SIX5: variants seen among roughly 807,000 people sequenced by gnomAD.
SIX5 encodes SIX homeobox 5.
SIX5 carries 21 observed loss-of-function variants against 37.1 expected under a neutral mutation model. The observed-to-expected ratio is 0.57, with a 90% CI of 0.40 to 0.81. The LOEUF (loss-of-function observed/expected upper bound fraction) is 0.81, where lower values mean the gene tolerates loss of function less well. Ranked by LOEUF, SIX5 falls within the 40% of genes least tolerant of loss-of-function variation. The pLI, the probability that SIX5 is intolerant of heterozygous loss-of-function variation, is 0.00. For synonymous variants in SIX5, 626 were observed against 505.9 expected (o/e 1.24, Z -3.19); for missense variants, 1,137 against 1,025.1 (o/e 1.11, Z -1.49).
chr19:45,767,857 C>T, intron 1 of SIX5, 185 bp downstream of exon 1: 1 of 610,364 alleles, frequency 1.6e-6, no homozygotes, highest in Non-Finnish European at 2.8e-6. Flanking sequence ...GGAGAGGGCC[C>T]GGGCGGGTGC....
chr19:45,768,057 C>G lies in SIX5; in HGVS notation c.788G>C (p.Gly263Ala), dbSNP rs1490817411. Residue 263 changes from glycine to alanine, a missense_variant, in exon 1 of 3, where the codon GGC becomes GCC. Gly to Ala is a moderately conservative substitution (Grantham distance 60). Around this residue, in one of 3 missense-constraint regions of SIX5, gnomAD observed 19 missense variants for 42.8 expected, o/e 0.44. Coordinates refer to ENST00000317578, the MANE Select transcript of SIX5 (RefSeq NM_175875.5). ...GGCCCCTCACCTCTTGCAGGGCGCG[C>G]CGCCTCCGGCCCCGGTCCGGTCGCG... is the stretch of plus-strand genomic sequence containing the variant. ...RQRDRTGAGG[G>A]APCKSESDGN... is the part of the protein sequence containing the mutation. 2.5e-6 allele frequency: 4 copies of G among 1,596,464 alleles called. No individual in the cohort carries two copies. The highest frequency in any genetic ancestry group is 1.1e-5 in the South Asian group (1 of 90,758).
In SIX5 at chr19:45,768,509, G is replaced by A. The variant is rs1969137331; in HGVS notation, c.336C>T (p.Gly112=). Residue 112 remains glycine, a synonymous_variant, in exon 1 of 3, where the codon GGC becomes GGT. Transcript: ENST00000317578. ...GHAGRLSRFL[G]ALPPAERLRG... ...GTAGGCGCTCGGCCGGGGGCAGTGC[G>A]CCCAGGAAGCGGCTCAAGCGGCCGG... 2.0e-6 allele frequency: 3 copies of A among 1,475,426 alleles called. No homozygotes were observed. The highest frequency in any genetic ancestry group is 2.4e-5 in the Admixed American group (1 of 41,920). 91.4% of individuals were successfully genotyped at this position (1,475,426 alleles called of 1,614,324 possible).
rs1969123424 is a variant in SIX5, at chr19:45,768,173, G to C, written c.672C>G (p.Arg224=). Residue 224 remains arginine, a synonymous_variant, in exon 1 of 3, where the codon CGC becomes CGG. Transcript: ENST00000317578. ...GGCGCTTCTCGTCCGGCGTGGGGTA[G>C]CGGTTGCCGCGGTAGCAGGCCTTGA... is the stretch of plus-strand genomic sequence containing the variant. ...AALKACYRGN[R]YPTPDEKRRL... 6.2e-7 allele frequency: 1 copy of C among 1,612,814 alleles called. No individual in the cohort carries two copies. The highest frequency in any genetic ancestry group is 1.1e-5 in the South Asian group (1 of 91,060).
intron 2 of SIX5, 84 bp downstream of exon 2, chr19:45,766,266 G>A (rs929656990): frequency 1.0e-5 from 15 of 1,497,220 alleles, no homozygotes; most frequent in Admixed American, 8.2e-5. Flanking sequence ...CCCTCCAGGA[G>A]CCCAGGGACA....
chr19:45,769,067 C>T lies in SIX5; in HGVS notation c.-223G>A. On this transcript the variant is annotated 5_prime_UTR_variant, in exon 1 of 3. Coordinates refer to ENST00000317578, the MANE Select transcript of SIX5 (RefSeq NM_175875.5). ...CCCCCTCCCGTCTGTCTGTGATTCT[C>T]CCTTTGTTTTCCCTCCGCCTCTGGC... is the stretch of plus-strand genomic sequence containing the variant. The T allele has an allele frequency of 2.0e-6, 1 of 511,576 alleles. No homozygotes were observed. The highest frequency in any genetic ancestry group is 3.5e-6 in the Non-Finnish European group (1 of 289,552). 31.7% of individuals were successfully genotyped at this position (511,576 alleles called of 1,614,324 possible).
Position 45,765,249 on chromosome 19 carries a change from C to T in SIX5, c.*252G>A, listed in dbSNP as rs955887775. 1.7e-6 allele frequency: 1 copy of T among 590,238 alleles called. No individual in the cohort carries two copies. Among genetic ancestry groups the T allele is most frequent in the East Asian group, 2.9e-5 (1 of 34,502 alleles). 36.6% of individuals were successfully genotyped at this position (590,238 alleles called of 1,614,324 possible). ...CCCTGAGTCAGGACCCTGAGTCCCC[C>T]ACGTATATGGCAGGGCACAGCATGG... On this transcript the variant is annotated 3_prime_UTR_variant, in exon 3 of 3. Coordinates refer to ENST00000317578, the MANE Select transcript of SIX5 (RefSeq NM_175875.5).
At position 45,768,698 on chromosome 19, in the gene SIX5, C is replaced by T. The variant is rs958384796; in HGVS notation, c.147G>A (p.Ala49=). The stretch of plus-strand genomic sequence containing the variant: ...CCGCTGCGCCCGCCCCGGCCCCGGC[C>T]GCCGCCGCCGCCTCACCCTCGGCCG... ...LQAAEGEAAA[A]AGAGAGAAAA... Residue 49 remains alanine, a synonymous_variant, in exon 1 of 3, where the codon GCG becomes GCA. Transcript: ENST00000317578. The T allele has an allele frequency of 3.0e-6, 4 of 1,339,840 alleles. No individual in the cohort carries two copies. In the African/African-American group the frequency reaches 4.6e-5, roughly 15 times the overall value. The allele number at this position is 1,339,840 out of a possible 1,614,324, so 83.0% of individuals were successfully genotyped here. A position where few individuals can be genotyped will look rare whatever the true frequency, so the allele number is the denominator to read the frequency against.
chr19:45,768,885 C>A lies in SIX5; in HGVS notation c.-41G>T. 1 of 1,514,804 alleles carries A rather than the reference C, an allele frequency of 6.6e-7. No individual in the cohort carries two copies. Among genetic ancestry groups the A allele is most frequent in the South Asian group, 1.2e-5 (1 of 82,376 alleles). 93.8% of individuals were successfully genotyped at this position (1,514,804 alleles called of 1,614,324 possible). ...GAAGTTCCTCCCTCCCTCTCTTCCT[C>A]CCTCGGGCTTTCCCCAGCCTCCTCC... On this transcript the variant is annotated 5_prime_UTR_variant, in exon 1 of 3. Coordinates refer to ENST00000317578, the MANE Select transcript of SIX5 (RefSeq NM_175875.5).
Position 45,768,977 on chromosome 19 carries a change from G to A in SIX5, c.-133C>T. 2 of 872,686 alleles carry A rather than the reference G, an allele frequency of 2.3e-6. No individual in the cohort carries two copies. Among genetic ancestry groups the A allele is most frequent in the Non-Finnish European group, 3.4e-6 (2 of 585,338 alleles). The allele number at this position is 872,686 out of a possible 1,614,324, so 54.1% of individuals were successfully genotyped here. On this transcript the variant is annotated 5_prime_UTR_variant, in exon 1 of 3. Coordinates refer to ENST00000317578, the MANE Select transcript of SIX5 (RefSeq NM_175875.5). ...CGATCTTCTTTCTGGCCGACCCTGC[G>A]CCCCACGCCGGGAAGGCGAGATCCA...
At position 45,768,837 on chromosome 19, in the gene SIX5, G is replaced by C; in HGVS notation, c.8C>G (p.Thr3Ser). MA[T>S]LPAEPSAGPA... ...CCCCGCGCTCGGCTCCGCAGGCAAG[G>C]TAGCCATGTTTTGCAACTTTGGGAA... The change falls in exon 1 of 3, where the codon ACC becomes AGC. Residue 3 changes from threonine to serine, a missense_variant. By Grantham distance (58) the Thr-to-Ser change is moderately conservative. Coordinates refer to ENST00000317578, the MANE Select transcript of SIX5 (RefSeq NM_175875.5). 1.3e-6 allele frequency: 2 copies of C among 1,531,452 alleles called. No individual in the cohort carries two copies. Among genetic ancestry groups the C allele is most frequent in the East Asian group, 4.9e-5 (2 of 40,636 alleles). The allele number at this position is 1,531,452 out of a possible 1,614,324, so 94.9% of individuals were successfully genotyped here.
chr19:45,766,035 G>C lies in SIX5; in HGVS notation c.1686C>G (p.Ile562Met). 6.2e-7 allele frequency: 1 copy of C among 1,611,700 alleles called. No individual in the cohort carries two copies. Among genetic ancestry groups the C allele is most frequent in the Non-Finnish European group, 8.5e-7 (1 of 1,179,178 alleles). Residue 562 changes from isoleucine to methionine, a missense_variant, in exon 3 of 3, where the codon ATC becomes ATG. By Grantham distance (10) the Ile-to-Met change is conservative (BLOSUM62 1). Around this residue, in one of 3 missense-constraint regions of SIX5, gnomAD observed 787 missense variants for 621.4 expected, o/e 1.27. Transcript: ENST00000317578. ...TGCTGGTGGGGAAGGTGGCGGTGAG[G>C]ATGATCTTGCCCTGCTGCAGGGCCA... ...TGVALQQGKI[I>M]LTATFPTSML...
At chr19:45,766,157 G>C in intron 2 of SIX5, 46 bp from the exon 3 acceptor site, 1 of 1,589,850 alleles carries the variant, frequency 6.3e-7, no homozygotes, top group East Asian at 2.3e-5. Flanking sequence ...CAGGAGAGCA[G>C]GCCAAGCCAG....
At chr19:45,767,717 A>G (rs1969106516) in intron 1 of SIX5, 7 of 425,474 alleles carry the variant, frequency 1.6e-5, no homozygotes, top group South Asian at 3.8e-5. Context: ...CCCTACGCGG[A>G]GTGGAGTGGC....
chr19:45,765,229 A>T lies in SIX5; in HGVS notation c.*272T>A. 3.6e-6 allele frequency: 2 copies of T among 560,176 alleles called. No individual in the cohort carries two copies. The highest frequency in any genetic ancestry group is 4.0e-5 in the South Asian group (2 of 50,466). The allele number at this position is 560,176 out of a possible 1,614,324, so 34.7% of individuals were successfully genotyped here. A position where few individuals can be genotyped will look rare whatever the true frequency, so the allele number is the denominator to read the frequency against. Reference sequence around the variant, plus strand: ...CCAAGTGGAGGGGGCAGGGCCCCTGAGTCAGGACCCTGAGTCCCCCACGTA... The same window carrying T: ...CCAAGTGGAGGGGGCAGGGCCCCTGTGTCAGGACCCTGAGTCCCCCACGTA... On this transcript the variant is annotated 3_prime_UTR_variant, in exon 3 of 3. Coordinates refer to ENST00000317578, the MANE Select transcript of SIX5 (RefSeq NM_175875.5).
At position 45,767,986 on chromosome 19, in the gene SIX5, C is replaced by T. The variant is rs539350303; in HGVS notation, c.803+56G>A. ...CAGCAGTGGGCACGGGGGAAGAGGG[C>T]TGGTGGACGGGATGTCCCCGGGAGA... On this transcript the variant is annotated intron_variant, in intron 1 of 2. Transcript: ENST00000317578. 4.3e-5 allele frequency: 66 copies of T among 1,548,440 alleles called. No homozygotes were observed. In the African/African-American group the frequency reaches 7.8e-4, roughly 18 times the overall value.
At chr19:45,767,648 A>T (rs2146207892) in intron 1 of SIX5, 1 of 293,734 alleles carries the variant, frequency 3.4e-6, no homozygotes, top group Admixed American at 4.7e-5. Context: ...GCCCGGAGGG[A>T]GTGTGGGGGC....
In SIX5 at chr19:45,765,809, G is replaced by C. The variant is rs1306935488; in HGVS notation, c.1912C>G (p.Pro638Ala). The C allele has an allele frequency of 3.1e-6, 5 of 1,604,036 alleles. No homozygotes were observed. Among genetic ancestry groups the C allele is most frequent in the Non-Finnish European group, 4.2e-6 (5 of 1,179,832 alleles). Residue 638 changes from proline to alanine, a missense_variant, in exon 3 of 3, where the codon CCT (proline) becomes GCT (alanine). Physicochemically the swap from Pro to Ala is conservative, Grantham distance 27 (BLOSUM62 -1). This residue lies in a region of SIX5 where 787 missense variants were observed against 621.4 expected (regional missense o/e 1.27). Transcript: ENST00000317578. Reference sequence around the variant, plus strand: ...TTGGGCAGGAGGCCAGGGGAGTCAGGGGAGAAGGGCAGGCTGGTGCTGGAG... The same window carrying C: ...TTGGGCAGGAGGCCAGGGGAGTCAGCGGAGAAGGGCAGGCTGGTGCTGGAG... ...TTSSTSLPFS[P>A]DSPGLLPNFP...
In SIX5 at chr19:45,766,699, C is replaced by G; in HGVS notation, c.1260G>C (p.Glu420Asp). 1 of 1,534,018 alleles carries G rather than the reference C, an allele frequency of 6.5e-7. No homozygotes were observed. The highest frequency in any genetic ancestry group is 8.8e-7 in the Non-Finnish European group (1 of 1,141,134). Residue 420 changes from glutamate to aspartate, a missense_variant, in exon 2 of 3, where the codon GAG becomes GAC. Transcript: ENST00000317578. ...VAAPGPALGE[E>D]VLGPLAQVVP... Reference sequence around the variant, plus strand: ...CCACTTGGGCCAGGGGCCCCAGGACCTCCTCTCCAAGGGCTGGTCCCGGAG... The same window carrying G: ...CCACTTGGGCCAGGGGCCCCAGGACGTCCTCTCCAAGGGCTGGTCCCGGAG...
Position 45,765,142 on chromosome 19 carries a change from GGA to G in SIX5, c.*357_*358del. On this transcript the variant is annotated 3_prime_UTR_variant, in exon 3 of 3. Coordinates refer to ENST00000317578, the MANE Select transcript of SIX5 (RefSeq NM_175875.5). ...TTAATAGTGTTTCAGGGAGTGACAG[GGA>G]GAGGGCTCTGGGGGCTGGAAGTCCG... 2.5e-6 allele frequency: 1 copy of G among 400,664 alleles called. No homozygotes were observed. Among genetic ancestry groups the G allele is most frequent in the South Asian group, 2.5e-5 (1 of 40,144 alleles). 24.8% of individuals were successfully genotyped at this position (400,664 alleles called of 1,614,324 possible). A position where few individuals can be genotyped will look rare whatever the true frequency, so the allele number is the denominator to read the frequency against.
Sources: allele counts gnomAD v4.1 joint callset, GRCh38; gene constraint gnomAD v4.1.1; regional missense constraint gnomAD v4.1.1; transcripts MANE v1.5; gene names NCBI Gene and HGNC (gene_info 2026-07-23, HGNC 2026-07-21).